Variants in CCND2 observed in about 807,000 individuals in gnomAD.
CCND2 encodes G1/S-specific cyclin-D2.
In CCND2, 6 loss-of-function variants were observed where a neutral mutation model predicts 30.2. That is an observed-to-expected ratio of 0.20 (90% CI 0.11 to 0.39). The LOEUF is 0.39. Among genes scored for constraint, CCND2 ranks in the 10% least tolerant of loss-of-function variants. The probability of loss-of-function intolerance (pLI) is 1.00; values close to 1 mark genes in which losing one functional copy is unlikely to be tolerated. For missense variants in CCND2, 235 were observed against 373.4 expected (o/e 0.63, Z 3.06); for synonymous variants, 150 against 153.1 (o/e 0.98, Z 0.15).
chr12:4,286,069 C>T (rs1775787382), intron 3 of CCND2, among the ~76,000 whole-genome samples: 1 of 152,196 alleles, frequency 6.6e-6, no homozygotes, highest in African/African-American at 2.4e-5. Flanking sequence ...AAACTCTTGA[C>T]CTAAGCCATG....
rs1400857282 is a variant in CCND2, at chr12:4,274,904, A to G, written c.195+669A>G. On this transcript the variant is annotated intron_variant, in intron 1 of 4. Coordinates refer to ENST00000261254, the MANE Select transcript of CCND2 (RefSeq NM_001759.4). The surrounding 1 kb of genome is among the most constrained non-coding windows in gnomAD (Gnocchi z 7.7). ...CGTGGTTTCGCCATGTTGCTTTGCA[A>G]ACTCCCTTTGGAAAGGCTGGGAAAC... 1 of 152,298 alleles carries G rather than the reference A, an allele frequency of 6.6e-6. No homozygotes were observed. Among genetic ancestry groups the G allele is most frequent in the Admixed American group, 6.5e-5 (1 of 15,270 alleles). 9.4% of individuals were successfully genotyped at this position (152,298 alleles called of 1,614,324 possible).
chr12:4,278,870 G>A lies in CCND2; in HGVS notation c.522G>A (p.Leu174=), dbSNP rs1214131321. The A allele has an allele frequency of 6.2e-7, 1 of 1,614,178 alleles. No homozygotes were observed. ...AGCTGCCCCAGCAGCGGGAGAAGCT[G>A]TCTCTGATCCGCAAGCATGCTCAGA... ...LRKLPQQREK[L]SLIRKHAQTF... The change falls in exon 3 of 5, where the codon CTG becomes CTA. Residue 174 remains leucine (L), a synonymous_variant. Transcript: ENST00000261254.
chr12:4,275,072 G>C (rs3217789), intron 1 of CCND2: 4 of 152,178 alleles, frequency 2.6e-5, no homozygotes, highest in South Asian at 2.1e-4. Context: ...GGGTAGGAAG[G>C]GGGGGAGGGG....
chr12:4,276,816 A>G lies in CCND2; in HGVS notation c.411+596A>G, dbSNP rs1156294773. Among the ~76,000 whole-genome samples, 1 of 152,218 alleles carries G rather than the reference A, an allele frequency of 6.6e-6. No homozygotes were observed. The highest frequency in any genetic ancestry group is 2.4e-5 in the African/African-American group (1 of 41,464). On this transcript the variant is annotated intron_variant, in intron 2 of 4. Transcript: ENST00000261254. This position sits in a 1 kb window ranked among gnomAD's most constrained non-coding sequence, Gnocchi z 4.8. ...GGGACTGTGACCTCTGTACAACCCCAGGGATCCTGTCTTATCTCTGCTTTT... is the reference window on the plus strand; with the variant it reads ...GGGACTGTGACCTCTGTACAACCCCGGGGATCCTGTCTTATCTCTGCTTTT...
chr12:4,291,207 C>CTGTGTG (rs1320194012), intron 4 of CCND2, among the ~76,000 whole-genome samples: 7,031 of 138,788 alleles, frequency 0.051, 444 homozygotes, highest in African/African-American at 0.14. Flanking sequence ...CTGGGCTAGG[C>CTGTGTG]TGTGTGTGTG....
intron 4 of CCND2, among the ~76,000 whole-genome samples, chr12:4,292,345 C>T (rs1171152587): frequency 6.6e-6 from 1 of 152,138 alleles, no homozygotes; most frequent in Non-Finnish European, 1.5e-5. Context: ...CTGACAGTTT[C>T]CCCCAGAGCC....
chr12:4,276,362 A>C lies in CCND2; in HGVS notation c.411+142A>C. ...AATAGAATTTACCCACTTATGGGCG[A>C]TAGCTCATTTAATAGGAAACCACTG... On this transcript the variant is annotated intron_variant, in intron 2 of 4. Transcript: ENST00000261254. The surrounding 1 kb of genome is among the most constrained non-coding windows in gnomAD (Gnocchi z 4.8). 1.5e-6 allele frequency: 1 copy of C among 665,614 alleles called. No individual in the cohort carries two copies. 41.2% of individuals were successfully genotyped at this position (665,614 alleles called of 1,614,324 possible). A position where few individuals can be genotyped will look rare whatever the true frequency, so the allele number is the denominator to read the frequency against.
At chr12:4,291,234 T>TGTGTGTGTGTGTGTG (rs6144591) in intron 4 of CCND2, among the ~76,000 whole-genome samples, 6 of 151,382 alleles carry the variant, frequency 4.0e-5, no homozygotes, top group East Asian at 1.9e-4. Flanking sequence ...TGTGTGTGTG[T>TGTGTGTGTGTGTGTG]TTATGCACCT....
chr12:4,300,277 GT>G lies in CCND2; in HGVS notation c.*269del, dbSNP rs1458023372. 5.5e-6 allele frequency: 2 copies of G among 365,914 alleles called. No homozygotes were observed. Among genetic ancestry groups the G allele is most frequent in the African/African-American group, 4.0e-5 (2 of 49,460 alleles). The allele number at this position is 365,914 out of a possible 1,614,324, so 22.7% of individuals were successfully genotyped here. A position where few individuals can be genotyped will look rare whatever the true frequency, so the allele number is the denominator to read the frequency against. The stretch of plus-strand genomic sequence containing the variant: ...ATTGTTTGATTATGTAAAAGTAATA[GT>G]AAAATGCTTACAGGAAAACCTGCAG... On this transcript the variant is annotated 3_prime_UTR_variant, in exon 5 of 5. Coordinates refer to ENST00000261254, the MANE Select transcript of CCND2 (RefSeq NM_001759.4).
At chr12:4,298,592 C>T (rs1484222895) in intron 4 of CCND2, among the ~76,000 whole-genome samples, 1 of 152,062 alleles carries the variant, frequency 6.6e-6, no homozygotes, top group Non-Finnish European at 1.5e-5. Context: ...TTGGGCTTGG[C>T]AAAATAGAAA....
chr12:4,296,986 T>C (rs1864178195), intron 4 of CCND2, among the ~76,000 whole-genome samples: 1 of 152,144 alleles, frequency 6.6e-6, no homozygotes, highest in Admixed American at 6.5e-5. Flanking sequence ...GGAGTGAGCA[T>C]CTCACACCAC....
chr12:4,295,437 C>T (rs1864156351), intron 4 of CCND2, among the ~76,000 whole-genome samples: 1 of 152,150 alleles, frequency 6.6e-6, no homozygotes, highest in Admixed American at 6.5e-5. Context: ...TGGAGTGTAC[C>T]TGCCTTGGTC....
chr12:4,282,867 TC>T lies in CCND2; in HGVS notation c.571+3951del. Among the ~76,000 whole-genome samples, 1 of 152,312 alleles carries T rather than the reference TC, an allele frequency of 6.6e-6. No homozygotes were observed. The highest frequency in any genetic ancestry group is 2.1e-4 in the South Asian group (1 of 4,822). On this transcript the variant is annotated intron_variant, in intron 3 of 4. Transcript: ENST00000261254. This position sits in a 1 kb window ranked among gnomAD's most constrained non-coding sequence, Gnocchi z 4.3. Reference sequence around the variant, plus strand: ...CAGATGAGGTGCGTGCCCAGTGACGTCCCTGGCCTGTGAACACTCTGGTTCT... The same window carrying T: ...CAGATGAGGTGCGTGCCCAGTGACGTCCTGGCCTGTGAACACTCTGGTTCT...
chr12:4,283,025 T>A (rs1314158493), intron 3 of CCND2, among the ~76,000 whole-genome samples: 2 of 152,190 alleles, frequency 1.3e-5, no homozygotes, highest in African/African-American at 4.8e-5. Context: ...AGCAAAGCCA[T>A]CACCCCTGCA....
Position 4,276,920 on chromosome 12 carries a change from G to A in CCND2, c.411+700G>A, listed in dbSNP as rs181104273. Among the ~76,000 whole-genome samples, 41 of 152,308 alleles carry A rather than the reference G, an allele frequency of 2.7e-4. 1 individual carries two copies. Among genetic ancestry groups the A allele is most frequent in the East Asian group, 2.5e-3 (13 of 5,184 alleles). On this transcript the variant is annotated intron_variant, in intron 2 of 4. Coordinates refer to ENST00000261254, the MANE Select transcript of CCND2 (RefSeq NM_001759.4). This position sits in a 1 kb window ranked among gnomAD's most constrained non-coding sequence, Gnocchi z 4.8. Reference sequence around the variant, plus strand: ...CATATAAGACGACCATATTGCAGCTGTACCGCATGGAATAGCGGCTCCAAG... The same window carrying A: ...CATATAAGACGACCATATTGCAGCTATACCGCATGGAATAGCGGCTCCAAG...
rs1269470886 is a variant in CCND2 at position 4,279,918 on chromosome 12, T to A, written c.571+999T>A. The stretch of plus-strand genomic sequence containing the variant: ...TCGCTAGGTGGACTCACGTGGTAAC[T>A]TTTTTCAGGATGTTGTTACATGTTA... On this transcript the variant is annotated intron_variant, in intron 3 of 4. Coordinates refer to ENST00000261254, the MANE Select transcript of CCND2 (RefSeq NM_001759.4). Among the ~76,000 whole-genome samples, 2 of 151,466 alleles carry A rather than the reference T, an allele frequency of 1.3e-5. 1 individual carries two copies. Among genetic ancestry groups the A allele is most frequent in the Non-Finnish European group, 2.9e-5 (2 of 67,884 alleles).
chr12:4,293,778 G>A lies in CCND2; in HGVS notation c.720+4788G>A, dbSNP rs1021620809. On this transcript the variant is annotated intron_variant, in intron 4 of 4. Transcript: ENST00000261254. The surrounding 1 kb of genome is among the most constrained non-coding windows in gnomAD (Gnocchi z 4.9). Reference sequence around the variant, plus strand: ...CGTAGCTGGAAGTGCCGCCACCCTCGCCCCACATGTCATTTTCAAGCCTCC... The same window carrying A: ...CGTAGCTGGAAGTGCCGCCACCCTCACCCCACATGTCATTTTCAAGCCTCC... Among the ~76,000 whole-genome samples, 3 of 152,260 alleles carry A rather than the reference G, an allele frequency of 2.0e-5. No homozygotes were observed. Among genetic ancestry groups the A allele is most frequent in the South Asian group, 2.1e-4 (1 of 4,818 alleles).
intron 4 of CCND2, 90 bp downstream of exon 4, chr12:4,289,080 G>A (rs1864061353): frequency 3.9e-6 from 5 of 1,296,392 alleles, no homozygotes; most frequent in Middle Eastern, 2.1e-4. Context: ...TGTGTCAGAG[G>A]TATTTTTCTG....
At chr12:4,291,726 A>G (rs754070843) in intron 4 of CCND2, among the ~76,000 whole-genome samples, 27 of 152,208 alleles carry the variant, frequency 1.8e-4, no homozygotes, top group Non-Finnish European at 5.9e-5. Flanking sequence ...TTCTTAGAGT[A>G]GAGAAACAAA....
Sources: allele counts gnomAD v4.1 joint callset (sites outside exome capture counted in the v4.1 genomes callset), GRCh38; gene constraint gnomAD v4.1.1; non-coding constraint Gnocchi (gnomAD v3.1); transcripts MANE v1.5; gene names NCBI Gene and HGNC (gene_info 2026-07-23, HGNC 2026-07-21).